Variants in FAM169A observed in about 807,000 individuals in gnomAD.
FAM169A encodes family with sequence similarity 169 member A.
A neutral mutation model predicts 75.7 loss-of-function variants in FAM169A; 24 were observed. The ratio of observed to expected loss-of-function variants is 0.32; its 90% CI spans 0.23 to 0.45. The LOEUF is 0.45. FAM169A is among the 20% of genes least tolerant of loss of function. FAM169A has a pLI of 1.00. For missense variants in FAM169A, 673 were observed against 784.0 expected (o/e 0.86, Z 1.69); for synonymous variants, 271 against 271.0 (o/e 1.00, Z 0.00).
Position 74,779,737 on chromosome 5 carries a change from G to C in FAM169A, c.*1723C>G, listed in dbSNP as rs1745318500. The C allele has an allele frequency of 6.6e-6, 1 of 151,934 alleles. No homozygotes were observed. Among genetic ancestry groups the C allele is most frequent in the Non-Finnish European group, 1.5e-5 (1 of 68,004 alleles). The allele number at this position is 151,934 out of a possible 1,614,324, so 9.4% of individuals were successfully genotyped here. On this transcript the variant is annotated 3_prime_UTR_variant, in exon 13 of 13. Coordinates refer to ENST00000687041, the MANE Select transcript of FAM169A (RefSeq NM_001376049.1). Reference sequence around the variant, plus strand: ...CCTTTGACTAATTAAAGAAAATATAGGGTAATACAATTGTTCAAAATCTAA... The same window carrying C: ...CCTTTGACTAATTAAAGAAAATATACGGTAATACAATTGTTCAAAATCTAA...
At position 74,780,986 on chromosome 5, in the gene FAM169A, A is replaced by G. The variant is rs1374043639; in HGVS notation, c.*474T>C. 6.6e-6 allele frequency: 1 copy of G among 152,604 alleles called. No individual in the cohort carries two copies. Among genetic ancestry groups the G allele is most frequent in the Non-Finnish European group, 1.5e-5 (1 of 68,360 alleles). The allele number at this position is 152,604 out of a possible 1,614,324, so 9.5% of individuals were successfully genotyped here. On this transcript the variant is annotated 3_prime_UTR_variant, in exon 13 of 13. Coordinates refer to ENST00000687041, the MANE Select transcript of FAM169A (RefSeq NM_001376049.1). ...AAGTTATATTTTTTCTAATTTATTG[A>G]CACTTATTTTTGTTTAGGCATGCCT...
At position 74,781,882 on chromosome 5, in the gene FAM169A, C is replaced by T; in HGVS notation, c.1591G>A (p.Ala531Thr). Reference protein sequence around the residue: ...KAHLGSSDNVATMSNEERSDG... With the variant: ...KAHLGSSDNVTTMSNEERSDG... ...GATCGTTCTTCATTTGACATAGTAG[C>T]AACATTGTCTGAACTCCCAAGATGT... Residue 531 changes from alanine (A) to threonine (T), a missense_variant, in exon 13 of 13, where the codon GCT (alanine) becomes ACT (threonine). By Grantham distance (58) the Ala-to-Thr change is moderately conservative (BLOSUM62 0). Coordinates refer to ENST00000687041, the MANE Select transcript of FAM169A (RefSeq NM_001376049.1). 6.2e-7 allele frequency: 1 copy of T among 1,614,084 alleles called. No individual in the cohort carries two copies. Among genetic ancestry groups the T allele is most frequent in the Non-Finnish European group, 8.5e-7 (1 of 1,180,004 alleles).
At position 74,777,589 on chromosome 5, in the gene FAM169A, TA is replaced by T. The variant is rs997929398; in HGVS notation, c.*3870del. ...AATCACCACATTGTTTTAAATTGTT[TA>T]TTTTTTTTTTAAAGAAGTCTGTCTT... On this transcript the variant is annotated 3_prime_UTR_variant, in exon 13 of 13. Transcript: ENST00000687041. 6.9e-5 allele frequency: 10 copies of T among 145,974 alleles called. No individual in the cohort carries two copies. The highest frequency in any genetic ancestry group is 2.1e-4 in the African/African-American group (8 of 37,704). 9.0% of individuals were successfully genotyped at this position (145,974 alleles called of 1,614,324 possible).
intron 1 of FAM169A, among the ~76,000 whole-genome samples, chr5:74,847,821 C>T (rs529321621): frequency 2.0e-5 from 3 of 152,176 alleles, no homozygotes; most frequent in East Asian, 1.9e-4. Flanking sequence ...AATGACTTCT[C>T]GGCTTATTTT....
intron 5 of FAM169A, among the ~76,000 whole-genome samples, chr5:74,816,337 A>T (rs1429551247): frequency 6.6e-6 from 1 of 152,234 alleles, no homozygotes; most frequent in Admixed American, 6.5e-5. Flanking sequence ...TCCTTACAAA[A>T]GAATACTACT....
chr5:74,835,336 T>G (rs1178772707), intron 4 of FAM169A, among the ~76,000 whole-genome samples: 1 of 152,048 alleles, frequency 6.6e-6, no homozygotes, highest in African/African-American at 2.4e-5. Context: ...GTACGGGGAC[T>G]CATGCCTGTA....
intron 1 of FAM169A, among the ~76,000 whole-genome samples, chr5:74,855,767 G>C (rs1370098476): frequency 6.6e-6 from 1 of 152,136 alleles, no homozygotes; most frequent in African/African-American, 2.4e-5. Context: ...CCTTTGCTAT[G>C]CAGAAGCTTT....
intron 1 of FAM169A, among the ~76,000 whole-genome samples, chr5:74,847,897 A>C (rs1451524337): frequency 6.6e-6 from 1 of 152,208 alleles, no homozygotes; most frequent in Non-Finnish European, 1.5e-5. Context: ...CCTGTGTCCC[A>C]GAGTCTGACA....
At chr5:74,864,759 C>G (rs1222461636) in intron 1 of FAM169A, among the ~76,000 whole-genome samples, 1 of 152,228 alleles carries the variant, frequency 6.6e-6, no homozygotes, top group African/African-American at 2.4e-5. Flanking sequence ...TACAAGATTT[C>G]TGTGAAAGAC....
chr5:74,810,439 T>C (rs898365731), intron 6 of FAM169A, among the ~76,000 whole-genome samples: 5 of 152,038 alleles, frequency 3.3e-5, no homozygotes, highest in African/African-American at 9.7e-5. Context: ...ATGTACACTT[T>C]TGTGTACGGT....
intron 5 of FAM169A, among the ~76,000 whole-genome samples, chr5:74,825,073 C>T (rs1311852672): frequency 6.6e-6 from 1 of 152,014 alleles, no homozygotes; most frequent in Non-Finnish European, 1.5e-5. Flanking sequence ...TATAGTGTAC[C>T]ATGAATGTTT....
At chr5:74,796,492 AC>A (rs1427273320) in intron 10 of FAM169A, among the ~76,000 whole-genome samples, 18 of 150,200 alleles carry the variant, frequency 1.2e-4, no homozygotes, top group African/African-American at 4.4e-4. Context: ...TGCAACCTCC[AC>A]CTCCCAGGTT....
chr5:74,784,383 G>A (rs1446904336), intron 11 of FAM169A, among the ~76,000 whole-genome samples: 2 of 151,450 alleles, frequency 1.3e-5, no homozygotes, highest in African/African-American at 2.4e-5. Context: ...GGCGGCACTC[G>A]CCTGTAGTCC....
chr5:74,847,877 A>G (rs1749238331), intron 1 of FAM169A, among the ~76,000 whole-genome samples: 1 of 152,204 alleles, frequency 6.6e-6, no homozygotes. Flanking sequence ...TTACTTAAAT[A>G]CAAAACAACC....
At chr5:74,835,146 A>G (rs1748505369) in intron 4 of FAM169A, among the ~76,000 whole-genome samples, 1 of 152,156 alleles carries the variant, frequency 6.6e-6, no homozygotes, top group South Asian at 2.1e-4. Context: ...TAATAGCCCT[A>G]TCTTTGCTGT....
chr5:74,798,947 G>A (rs1310987162), intron 10 of FAM169A: 12 of 882,644 alleles, frequency 1.4e-5, no homozygotes, highest in East Asian at 7.9e-5. Context: ...AAGACCGTCC[G>A]GACTGCCCCG....
chr5:74,783,516 G>C (rs1342406304), intron 11 of FAM169A, among the ~76,000 whole-genome samples: 1 of 152,154 alleles, frequency 6.6e-6, no homozygotes, highest in Non-Finnish European at 1.5e-5. Context: ...GTATAGACTT[G>C]ATGCTAGCTC....
chr5:74,779,143 A>AT lies in FAM169A; in HGVS notation c.*2316dup, dbSNP rs1745280758. 6.6e-6 allele frequency: 1 copy of AT among 152,128 alleles called. No individual in the cohort carries two copies. The highest frequency in any genetic ancestry group is 1.5e-5 in the Non-Finnish European group (1 of 67,964). The allele number at this position is 152,128 out of a possible 1,614,324, so 9.4% of individuals were successfully genotyped here. On this transcript the variant is annotated 3_prime_UTR_variant, in exon 13 of 13. Transcript: ENST00000687041. ...CTAAATTGTTTACAATTCACTTACT[A>AT]TTTAACCCAAACAAGTTTAACAAGA...
intron 8 of FAM169A, among the ~76,000 whole-genome samples, chr5:74,804,225 G>C (rs1352274785): frequency 1.3e-5 from 2 of 151,946 alleles, no homozygotes; most frequent in East Asian, 3.8e-4. Flanking sequence ...TGGGATTATA[G>C]ATTTTTATTT....
Sources: allele counts gnomAD v4.1 joint callset (sites outside exome capture counted in the v4.1 genomes callset), GRCh38; gene constraint gnomAD v4.1.1; transcripts MANE v1.5; gene names NCBI Gene and HGNC (gene_info 2026-07-23, HGNC 2026-07-21).